Variants in RNF217 observed in about 807,000 individuals in gnomAD.
RNF217 encodes ring finger protein 217, also known as E3 ubiquitin-protein ligase RNF217.
In RNF217, 31 loss-of-function variants were observed where a neutral mutation model predicts 57.8. The observed-to-expected ratio is 0.54, with a 90% CI of 0.40 to 0.72. The LOEUF (loss-of-function observed/expected upper bound fraction) is 0.72. Ranked by LOEUF, RNF217 falls within the 30% of genes least tolerant of loss-of-function variation. RNF217 has a pLI of 0.00. For synonymous variants in RNF217, 313 were observed against 294.0 expected (o/e 1.06, Z -0.66); for missense variants, 696 against 708.3 (o/e 0.98, Z 0.20).
Position 124,974,880 on chromosome 6 carries a change from T to C in RNF217, c.882+11454T>C, listed in dbSNP as rs140531000. ...ATAGCTGTTTATGTTTCCAGAAGCA[T>C]AGATGTTGTCCTCGAGTTTCTTCCT... On this transcript the variant is annotated intron_variant, in intron 1 of 5. Coordinates refer to ENST00000521654, the MANE Select transcript of RNF217 (RefSeq NM_001286398.3). Among the ~76,000 whole-genome samples, 236 of 152,300 alleles carry C rather than the reference T, an allele frequency of 1.5e-3. 1 individual carries two copies. The highest frequency in any genetic ancestry group is 5.4e-3 in the African/African-American group (223 of 41,566).
chr6:125,000,711 A>C (rs1784944656), intron 1 of RNF217, among the ~76,000 whole-genome samples: 1 of 152,118 alleles, frequency 6.6e-6, no homozygotes, highest in Non-Finnish European at 1.5e-5. Flanking sequence ...GAGTATCTAC[A>C]TGCCTACATT....
chr6:125,048,379 C>A, intron 2 of RNF217: 1 of 695,848 alleles, frequency 1.4e-6, no homozygotes, highest in Non-Finnish European at 2.2e-6. Flanking sequence ...TACTCACACA[C>A]AATACATTGC....
chr6:125,049,961 G>C (rs565157313), intron 2 of RNF217, among the ~76,000 whole-genome samples: 6 of 151,870 alleles, frequency 4.0e-5, no homozygotes, highest in Non-Finnish European at 7.4e-5. Context: ...ACATGACTCA[G>C]GAGTGATTTG....
In RNF217 at chr6:124,962,892, T is replaced by C. The variant is rs747361151; in HGVS notation, c.348T>C (p.Asp116=). Residue 116 remains aspartate, a synonymous_variant, in exon 1 of 6, where the codon GAT becomes GAC. Transcript: ENST00000521654. This position sits in a 1 kb window ranked among gnomAD's most constrained non-coding sequence, Gnocchi z 4.6. ...ELEEEEEEAG[D]RKEGGDEQQE... ...AGGAGGAAGAGGAGGAAGCTGGGGATCGAAAAGAGGGAGGGGATGAACAGC... is the reference window on the plus strand; with the variant it reads ...AGGAGGAAGAGGAGGAAGCTGGGGACCGAAAAGAGGGAGGGGATGAACAGC... The C allele has an allele frequency of 6.3e-7, 1 of 1,597,586 alleles. No homozygotes were observed. Among genetic ancestry groups the C allele is most frequent in the Non-Finnish European group, 8.5e-7 (1 of 1,179,582 alleles).
intron 1 of RNF217, among the ~76,000 whole-genome samples, chr6:124,981,527 C>G (rs967846978): frequency 6.6e-6 from 1 of 152,082 alleles, no homozygotes; most frequent in African/African-American, 2.4e-5. Context: ...TCTTTTGAGT[C>G]CTTGATCAGC....
chr6:125,027,365 G>C (rs1168031703), intron 1 of RNF217, among the ~76,000 whole-genome samples: 1 of 152,030 alleles, frequency 6.6e-6, no homozygotes, highest in East Asian at 1.9e-4. Context: ...GAGTTCAATT[G>C]ATGTGATTTT....
chr6:125,028,703 C>G (rs920528809), intron 1 of RNF217, among the ~76,000 whole-genome samples: 2 of 151,924 alleles, frequency 1.3e-5, no homozygotes, highest in Non-Finnish European at 2.9e-5. Context: ...CAATTATTCT[C>G]TTTTTACACT....
At chr6:125,073,997 G>A (rs1466111101) in intron 3 of RNF217, among the ~76,000 whole-genome samples, 2 of 152,042 alleles carry the variant, frequency 1.3e-5, no homozygotes, top group Non-Finnish European at 2.9e-5. Context: ...CAAACACAGG[G>A]CTTTGTGAAG....
At chr6:125,012,419 A>G (rs940606174) in intron 1 of RNF217, among the ~76,000 whole-genome samples, 1 of 152,100 alleles carries the variant, frequency 6.6e-6, no homozygotes, top group African/African-American at 2.4e-5. Flanking sequence ...ATGTATACCC[A>G]TTTTATATAT....
chr6:125,023,464 A>G (rs1427331771), intron 1 of RNF217, among the ~76,000 whole-genome samples: 1 of 152,236 alleles, frequency 6.6e-6, no homozygotes, highest in Non-Finnish European at 1.5e-5. Flanking sequence ...GCACCCTTGT[A>G]TACTGTTGGT....
chr6:124,963,958 G>A (rs1336862270), intron 1 of RNF217, among the ~76,000 whole-genome samples: 1 of 152,184 alleles, frequency 6.6e-6, no homozygotes, highest in Non-Finnish European at 1.5e-5. Flanking sequence ...TTTTTCCACA[G>A]TAAAGTTGAA....
intron 4 of RNF217, among the ~76,000 whole-genome samples, chr6:125,077,617 C>T (rs1056836307): frequency 2.6e-5 from 4 of 152,124 alleles, no homozygotes; most frequent in Non-Finnish European, 4.4e-5. Flanking sequence ...CAGGGTTCTT[C>T]GGCGGAATAT....
At chr6:125,021,161 A>G (rs567905256) in intron 1 of RNF217, among the ~76,000 whole-genome samples, 1 of 152,336 alleles carries the variant, frequency 6.6e-6, no homozygotes, top group South Asian at 2.1e-4. Context: ...AATAGCATTA[A>G]GTTGGAGACA....
chr6:125,083,547 G>A lies in RNF217; in HGVS notation c.*610G>A, dbSNP rs1332220351. Reference sequence around the variant, plus strand: ...TACTGAAGTGTATATGCGTAGGGGCGTGAATGTGTGTGTATATAAATATGT... The same window carrying A: ...TACTGAAGTGTATATGCGTAGGGGCATGAATGTGTGTGTATATAAATATGT... On this transcript the variant is annotated 3_prime_UTR_variant, in exon 6 of 6. Transcript: ENST00000521654. 2.0e-5 allele frequency: 3 copies of A among 152,064 alleles called. No individual in the cohort carries two copies. The highest frequency in any genetic ancestry group is 4.4e-5 in the Non-Finnish European group (3 of 68,004). The allele number at this position is 152,064 out of a possible 1,614,324, so 9.4% of individuals were successfully genotyped here. A position where few individuals can be genotyped will look rare whatever the true frequency, so the allele number is the denominator to read the frequency against.
intron 1 of RNF217, among the ~76,000 whole-genome samples, chr6:125,043,841 G>A (rs1486844469): frequency 6.6e-6 from 1 of 152,018 alleles, no homozygotes; most frequent in Non-Finnish European, 1.5e-5. Context: ...TACAGTAGTA[G>A]CATAAAATTA....
chr6:124,964,988 C>T (rs1783481582), intron 1 of RNF217, among the ~76,000 whole-genome samples: 1 of 152,174 alleles, frequency 6.6e-6, no homozygotes, highest in African/African-American at 2.4e-5. Flanking sequence ...GGGAGGTAGT[C>T]ATTGTGGCTT....
chr6:124,962,564 C>T lies in RNF217; in HGVS notation c.20C>T (p.Thr7Met). The T allele has an allele frequency of 8.0e-7, 1 of 1,254,438 alleles. No homozygotes were observed. Among genetic ancestry groups the T allele is most frequent in the South Asian group, 3.0e-5 (1 of 33,552 alleles). The allele number at this position is 1,254,438 out of a possible 1,614,324, so 77.7% of individuals were successfully genotyped here. Residue 7 changes from threonine (T) to methionine (M), a missense_variant, in exon 1 of 6, where the codon ACG (threonine) becomes ATG (methionine). Thr to Met is a moderately conservative substitution (Grantham distance 81). This residue lies in a region of RNF217 where 465 missense variants were observed against 386.8 expected (regional missense o/e 1.20). Transcript: ENST00000521654. This position sits in a 1 kb window ranked among gnomAD's most constrained non-coding sequence, Gnocchi z 4.6. ...GCGGCGATGGGCGAGGAGCAGAGCACGGTGAGCGGCGGCGGCGGGCCCCAG... is the reference window on the plus strand; with the variant it reads ...GCGGCGATGGGCGAGGAGCAGAGCATGGTGAGCGGCGGCGGCGGGCCCCAG... The part of the protein sequence containing the change: MGEEQS[T>M]VSGGGGPQES...
intron 1 of RNF217, among the ~76,000 whole-genome samples, chr6:124,987,025 G>A (rs1784388294): frequency 6.6e-6 from 1 of 152,018 alleles, no homozygotes; most frequent in African/African-American, 2.4e-5. Flanking sequence ...ACACATACAG[G>A]TTTTGCCGAA....
chr6:124,964,169 C>T (rs1022334223), intron 1 of RNF217, among the ~76,000 whole-genome samples: 2 of 152,178 alleles, frequency 1.3e-5, no homozygotes, highest in Admixed American at 1.3e-4. Flanking sequence ...CCTTCACTGA[C>T]GGTGAATGCG....
Sources: allele counts gnomAD v4.1 joint callset (sites outside exome capture counted in the v4.1 genomes callset), GRCh38; gene constraint gnomAD v4.1.1; regional missense constraint gnomAD v4.1.1; non-coding constraint Gnocchi (gnomAD v3.1); transcripts MANE v1.5; gene names NCBI Gene and HGNC (gene_info 2026-07-23, HGNC 2026-07-21).